Variants in BET1 observed in about 807,000 individuals in gnomAD.
BET1 encodes the protein Bet1 golgi vesicular membrane trafficking protein, also known as BET1 homolog.
In BET1, 9 loss-of-function variants were observed where a neutral mutation model predicts 13.9. That is an observed-to-expected ratio of 0.65 (90% CI 0.39 to 1.13). The LOEUF is 1.13. Ranked by LOEUF, BET1 falls within the 50% of genes most tolerant of loss-of-function variation. The probability of loss-of-function intolerance (pLI) is 0.01; values close to 1 mark genes in which losing one functional copy is unlikely to be tolerated. For missense variants in BET1, 127 were observed against 133.6 expected, an observed-to-expected ratio of 0.95 and a Z score of 0.24; for synonymous variants, 39 against 47.3, an observed-to-expected ratio of 0.82 and a Z score of 0.72.
At chr7:93,978,539 C>T (rs546577021) in intron 4 of BET1, among the ~76,000 whole-genome samples, 1 of 152,248 alleles carries the variant, frequency 6.6e-6, no homozygotes, top group Admixed American at 6.5e-5. Context: ...AGTTTCTGAA[C>T]TCTGTAAGAA....
At chr7:93,980,704 C>A (rs978134380) in intron 4 of BET1, among the ~76,000 whole-genome samples, 1 of 152,090 alleles carries the variant, frequency 6.6e-6, no homozygotes, top group Non-Finnish European at 1.5e-5. Context: ...GGACCCAGAA[C>A]AAGGCCAGGA....
At chr7:93,980,094 A>G (rs1225429796) in intron 4 of BET1, among the ~76,000 whole-genome samples, 1 of 152,196 alleles carries the variant, frequency 6.6e-6, no homozygotes, top group Non-Finnish European at 1.5e-5. Flanking sequence ...GAAATGGAAA[A>G]CCTGAACAGA....
intron 4 of BET1, among the ~76,000 whole-genome samples, chr7:93,978,306 C>A (rs1562801498): frequency 6.6e-6 from 1 of 152,196 alleles, no homozygotes; most frequent in South Asian, 2.1e-4. Context: ...TGGGCTCAAG[C>A]AATCTGCCCA....
At chr7:93,974,769 G>A (rs1394093734) in intron 5 of BET1, among the ~76,000 whole-genome samples, 4 of 151,880 alleles carry the variant, frequency 2.6e-5, no homozygotes, top group African/African-American at 9.7e-5. Flanking sequence ...TTGGGTAAAA[G>A]TTTGAGGAGA....
intron 5 of BET1, chr7:93,975,790 T>G (rs899003956): frequency 4.8e-6 from 2 of 416,400 alleles, no homozygotes; most frequent in African/African-American, 4.2e-5. Flanking sequence ...CTTGAGTAAT[T>G]GAAGAATGTC....
chr7:93,973,243 T>C (rs1489857167), intron 5 of BET1, among the ~76,000 whole-genome samples: 1 of 151,952 alleles, frequency 6.6e-6, no homozygotes, highest in Admixed American at 6.6e-5. Flanking sequence ...ACAAGAGAGT[T>C]TGCAGTTTTT....
chr7:93,975,058 T>C (rs962714271), intron 5 of BET1, among the ~76,000 whole-genome samples: 7 of 152,018 alleles, frequency 4.6e-5, no homozygotes, highest in African/African-American at 1.4e-4. Flanking sequence ...ATGGAAATTC[T>C]ACAAAATAGC....
downstream of BET1, among the ~76,000 whole-genome samples, chr7:93,988,565 GTTTAAT>G (rs1255522982): frequency 6.6e-6 from 1 of 152,122 alleles, no homozygotes; most frequent in East Asian, 1.9e-4. Context: ...AGTAGGAATT[GTTTAAT>G]TAGTAATTAA....
intron 1 of BET1, among the ~76,000 whole-genome samples, chr7:93,999,895 G>T (rs1795858313): frequency 6.6e-6 from 1 of 152,088 alleles, no homozygotes; most frequent in South Asian, 2.1e-4. Context: ...ACATATATTT[G>T]AAGAATTACC....
At chr7:93,977,185 G>A (rs1305663817) in intron 4 of BET1, among the ~76,000 whole-genome samples, 2 of 152,248 alleles carry the variant, frequency 1.3e-5, no homozygotes, top group African/African-American at 4.8e-5. Context: ...GAGGGGCTGG[G>A]TACGGTGGCT....
intron 2 of BET1, 128 bp downstream of exon 2, chr7:93,999,042 A>C: frequency 1.5e-6 from 1 of 653,554 alleles, no homozygotes; most frequent in East Asian, 4.0e-5. Context: ...GTGTACTTTG[A>C]CCTCACAAAA....
At chr7:93,974,447 C>T (rs1006587635) in intron 5 of BET1, among the ~76,000 whole-genome samples, 36 of 152,044 alleles carry the variant, frequency 2.4e-4, no homozygotes, top group African/African-American at 8.4e-4. Flanking sequence ...TAGCCCCATG[C>T]AGCAGCAGGA....
chr7:93,968,487 T>C (rs1381028504), intron 6 of BET1: 1 of 151,904 alleles, frequency 6.6e-6, no homozygotes, highest in East Asian at 1.9e-4. Context: ...CCTTCTTCTG[T>C]GGGAAAAACA....
chr7:93,992,024 A>C, downstream of BET1: 3 of 985,388 alleles, frequency 3.0e-6, no homozygotes, highest in Non-Finnish European at 3.6e-6. Flanking sequence ...AAAATGTTGC[A>C]TATTTGTTTT....
At chr7:93,977,806 A>AAAACAT (rs1188784852) in intron 4 of BET1, among the ~76,000 whole-genome samples, 1 of 152,146 alleles carries the variant, frequency 6.6e-6, no homozygotes, top group Non-Finnish European at 1.5e-5. Context: ...TTCCAGCTTG[A>AAAACAT]AAACATATCT....
intron 1 of BET1, among the ~76,000 whole-genome samples, chr7:94,002,336 A>T (rs544930492): frequency 1.3e-5 from 2 of 151,354 alleles, no homozygotes; most frequent in South Asian, 2.1e-4. Context: ...TTCATACTTT[A>T]AAAAAAAAGA....
chr7:93,988,783 A>G (rs1795573642), downstream of BET1, among the ~76,000 whole-genome samples: 1 of 151,772 alleles, frequency 6.6e-6, no homozygotes, highest in Non-Finnish European at 1.5e-5. Context: ...TATTAATACA[A>G]AAAGGACTGA....
chr7:93,997,905 T>C (rs1795806917), intron 2 of BET1, among the ~76,000 whole-genome samples: 1 of 152,164 alleles, frequency 6.6e-6, no homozygotes, highest in Non-Finnish European at 1.5e-5. Flanking sequence ...TATGAATAAG[T>C]GCTACAGAAA....
chr7:93,988,952 TA>T (rs1172137925), downstream of BET1, among the ~76,000 whole-genome samples: 2 of 135,816 alleles, frequency 1.5e-5, no homozygotes, highest in African/African-American at 3.1e-5. Flanking sequence ...AACATATAAA[TA>T]TATATATATA....
Sources: allele counts gnomAD v4.1 joint callset (sites outside exome capture counted in the v4.1 genomes callset), GRCh38; gene constraint gnomAD v4.1.1; transcripts MANE v1.5; gene names NCBI Gene and HGNC (gene_info 2026-07-23, HGNC 2026-07-21).